Variants in GRM5 observed in about 807,000 individuals in gnomAD.
The protein encoded by GRM5 is metabotropic glutamate receptor 5.
In GRM5, 19 loss-of-function variants were observed where a neutral mutation model predicts 83.1. The observed-to-expected ratio is 0.23, with a 90% CI of 0.16 to 0.34. The LOEUF (loss-of-function observed/expected upper bound fraction) is 0.34. GRM5 is among the 10% of genes least tolerant of loss of function. The pLI is 1.00. For synonymous variants in GRM5, 675 were observed against 633.6 expected (o/e 1.07, Z -0.98); for missense variants, 1,160 against 1,588.3 (o/e 0.73, Z 4.58).
At chr11:88,733,407 T>C (rs1336572624) in intron 3 of GRM5, among the ~76,000 whole-genome samples, 1 of 152,034 alleles carries the variant, frequency 6.6e-6, no homozygotes, top group Non-Finnish European at 1.5e-5. Flanking sequence ...ACATGAAATA[T>C]GAGACTCAGT....
At chr11:88,538,600 A>G (rs1405678667) in intron 8 of GRM5, among the ~76,000 whole-genome samples, 1 of 152,216 alleles carries the variant, frequency 6.6e-6, no homozygotes, top group Non-Finnish European at 1.5e-5. Context: ...TTTCCAACAG[A>G]GATTTTTCCT....
chr11:88,685,277 C>G (rs1940591790), intron 3 of GRM5, among the ~76,000 whole-genome samples: 1 of 152,108 alleles, frequency 6.6e-6, no homozygotes, highest in Non-Finnish European at 1.5e-5. Context: ...TGCTCCTGCC[C>G]TAGAGATTTG....
At chr11:88,927,166 G>A (rs1945804417) in intron 2 of GRM5, among the ~76,000 whole-genome samples, 1 of 152,052 alleles carries the variant, frequency 6.6e-6, no homozygotes. Flanking sequence ...AAAACTAAAG[G>A]TGAACCAAAA....
intron 3 of GRM5, among the ~76,000 whole-genome samples, chr11:88,820,859 A>T (rs1428859247): frequency 1.3e-5 from 2 of 152,230 alleles, no homozygotes; most frequent in Non-Finnish European, 2.9e-5. Flanking sequence ...GCACTAAAAA[A>T]TAGTTTTTCT....
At position 88,897,712 on chromosome 11, in the gene GRM5, C is replaced by G. The variant is rs663490; in HGVS notation, c.662-47557G>C. Among the ~76,000 whole-genome samples the G allele has an allele frequency of 3.1e-3, 472 of 151,986 alleles. 3 individuals carry two copies. The highest frequency in any genetic ancestry group is 5.7e-3 in the Admixed American group (86 of 15,210). On this transcript the variant is annotated intron_variant, in intron 2 of 9. Transcript: ENST00000305447. ...GACCACCTGAAAATATATGTATATTCAGTTCAAACTGTCAATACTGCTAAG... is the reference window on the plus strand; with the variant it reads ...GACCACCTGAAAATATATGTATATTGAGTTCAAACTGTCAATACTGCTAAG...
At chr11:88,969,737 T>C (rs1591006684) in intron 2 of GRM5, among the ~76,000 whole-genome samples, 1 of 152,090 alleles carries the variant, frequency 6.6e-6, no homozygotes, top group South Asian at 2.1e-4. Flanking sequence ...AATAAACTGA[T>C]GTCAAAAAGA....
chr11:88,763,150 C>A (rs1372130301), intron 3 of GRM5, among the ~76,000 whole-genome samples: 1 of 151,840 alleles, frequency 6.6e-6, no homozygotes, highest in African/African-American at 2.4e-5. Flanking sequence ...AGCAAACCTG[C>A]ACATGTACCC....
chr11:88,986,075 G>A (rs1368170558), intron 2 of GRM5, among the ~76,000 whole-genome samples: 1 of 152,114 alleles, frequency 6.6e-6, no homozygotes, highest in Non-Finnish European at 1.5e-5. Context: ...GTACACAAAT[G>A]ATTATGGCAG....
At chr11:88,729,380 G>A (rs1169568441) in intron 3 of GRM5, among the ~76,000 whole-genome samples, 1 of 151,810 alleles carries the variant, frequency 6.6e-6, no homozygotes, top group African/African-American at 2.4e-5. Context: ...AAAATAAGAG[G>A]ACACAAACAA....
chr11:89,034,523 T>C (rs968863364), intron 2 of GRM5, among the ~76,000 whole-genome samples: 1 of 151,878 alleles, frequency 6.6e-6, no homozygotes, highest in Non-Finnish European at 1.5e-5. Context: ...TGGCTTTGTA[T>C]ATATCTGAGA....
chr11:88,551,765 G>T (rs769804128), intron 8 of GRM5, among the ~76,000 whole-genome samples: 1 of 152,110 alleles, frequency 6.6e-6, no homozygotes, highest in Non-Finnish European at 1.5e-5. Flanking sequence ...GTTATTGTAA[G>T]AAGTGAATTA....
chr11:88,590,625 AC>A lies in GRM5; in HGVS notation c.1665del (p.Ser556LeufsTer12). On this transcript the variant is annotated frameshift_variant, in exon 7 of 10. Transcript: ENST00000305447. LOFTEE classifies it high-confidence loss of function. ...CCTGTGAGATCATCAGTGGGCCAAG[AC>A]CCCAGTTGGCATGCCTTGCATGTGT... Reference protein sequence around the residue: ...DEYTCKACQLGSWPTDDLTGC... With the variant: ...DEYTCKACQLXSWPTDDLTGC... The A allele has an allele frequency of 6.2e-7, 1 of 1,610,904 alleles. No homozygotes were observed. The highest frequency in any genetic ancestry group is 8.5e-7 in the Non-Finnish European group (1 of 1,177,222).
intron 3 of GRM5, among the ~76,000 whole-genome samples, chr11:88,687,212 C>T (rs553507709): frequency 1.1e-4 from 16 of 151,550 alleles, no homozygotes; most frequent in Non-Finnish European, 1.9e-4. Context: ...CAGCGGCTCG[C>T]GCCTGTAATC....
chr11:89,060,712 T>C (rs1165103251), intron 1 of GRM5, among the ~76,000 whole-genome samples: 1 of 152,084 alleles, frequency 6.6e-6, no homozygotes. Context: ...CTCCTATGAA[T>C]TTAAAGGAAA....
intron 3 of GRM5, among the ~76,000 whole-genome samples, chr11:88,694,316 C>T (rs932557531): frequency 6.6e-6 from 1 of 152,064 alleles, no homozygotes; most frequent in Non-Finnish European, 1.5e-5. Flanking sequence ...CGTTAGGTCT[C>T]CTATATTGCT....
chr11:88,560,557 T>G (rs1942730979), intron 8 of GRM5, among the ~76,000 whole-genome samples: 1 of 152,290 alleles, frequency 6.6e-6, no homozygotes. Context: ...ATTTTTTTTC[T>G]TATATTTTTA....
chr11:88,535,368 T>G (rs1942110555), intron 8 of GRM5, among the ~76,000 whole-genome samples: 1 of 152,114 alleles, frequency 6.6e-6, no homozygotes, highest in South Asian at 2.1e-4. Flanking sequence ...GAAAACATAG[T>G]CTCTTTTTCT....
intron 4 of GRM5, among the ~76,000 whole-genome samples, chr11:88,645,088 T>G (rs1421529758): frequency 6.6e-6 from 1 of 152,140 alleles, no homozygotes; most frequent in Non-Finnish European, 1.5e-5. Flanking sequence ...ATGACATTGC[T>G]ACAACCCAGA....
At chr11:88,581,469 A>C (rs546761672) in intron 7 of GRM5, among the ~76,000 whole-genome samples, 2 of 152,184 alleles carry the variant, frequency 1.3e-5, no homozygotes, top group Non-Finnish European at 2.9e-5. Context: ...TTGACTCCAA[A>C]ACCTTTTGAT....
Sources: allele counts gnomAD v4.1 joint callset (sites outside exome capture counted in the v4.1 genomes callset), GRCh38; gene constraint gnomAD v4.1.1; transcripts MANE v1.5; gene names NCBI Gene and HGNC (gene_info 2026-07-23, HGNC 2026-07-21).